The following STPG2 variants were observed in gnomAD, a reference collection of about 807,000 sequenced individuals.
The protein encoded by STPG2 is sperm tail PG-rich repeat containing 2, also known as sperm-tail PG-rich repeat-containing protein 2.
In STPG2, 56 loss-of-function variants were observed where a neutral mutation model predicts 54.2. The observed-to-expected ratio is 1.03, with a 90% confidence interval of 0.83 to 1.29. STPG2 has a LOEUF of 1.29. Ranked by LOEUF, STPG2 falls within the 50% of genes most tolerant of loss-of-function variation. The pLI, the probability that STPG2 is intolerant of heterozygous loss-of-function variation, is 0.00. For missense variants in STPG2, 596 were observed against 544.9 expected (o/e 1.09, Z -0.93); for synonymous variants, 200 against 181.8 (o/e 1.10, Z -0.81).
intron 4 of STPG2, among the ~76,000 whole-genome samples, chr4:97,523,335 C>T (rs952887251): frequency 3.3e-5 from 5 of 151,742 alleles, no homozygotes; most frequent in Non-Finnish European, 7.4e-5. Flanking sequence ...AAAGAGAGGT[C>T]ATATCTGCAC....
At chr4:97,899,160 C>A (rs1249719819) in intron 8 of STPG2, among the ~76,000 whole-genome samples, 1 of 151,846 alleles carries the variant, frequency 6.6e-6, no homozygotes, top group African/African-American at 2.4e-5. Context: ...AACTCACTAC[C>A]TTACCTATAC....
intron 10 of STPG2, among the ~76,000 whole-genome samples, chr4:97,616,674 T>C (rs559380359): frequency 4.6e-5 from 7 of 152,256 alleles, no homozygotes; most frequent in African/African-American, 1.4e-4. Flanking sequence ...AAAACATCAC[T>C]AGTGATGATG....
rs111859905 is a variant in STPG2, at chr4:97,670,925, T to C, written c.1320+41774A>G. Among the ~76,000 whole-genome samples the C allele has an allele frequency of 7.7e-3, 1,178 of 152,316 alleles. 11 individuals carry two copies. The highest frequency in any genetic ancestry group is 0.026 in the African/African-American group (1,086 of 41,564). ...AAGGAAATGCAGGGAGCTGTGACAA[T>C]GGGAACATTCATCTTGTTCTTCTCT... On this transcript the variant is annotated intron_variant, in intron 10 of 10. Coordinates refer to ENST00000295268, the MANE Select transcript of STPG2 (RefSeq NM_174952.3).
At chr4:97,492,482 T>G (rs1279645097) in intron 4 of STPG2, among the ~76,000 whole-genome samples, 1 of 151,526 alleles carries the variant, frequency 6.6e-6, no homozygotes, top group African/African-American at 2.4e-5. Flanking sequence ...GTTTAATTTT[T>G]CCTTTGAATG....
At chr4:97,880,651 T>G (rs531120933) in intron 8 of STPG2, among the ~76,000 whole-genome samples, 1 of 152,298 alleles carries the variant, frequency 6.6e-6, no homozygotes, top group South Asian at 2.1e-4. Context: ...GATAAAGACT[T>G]GACATTACTA....
At chr4:97,782,376 G>A (rs1303810675) in intron 9 of STPG2, among the ~76,000 whole-genome samples, 1 of 152,178 alleles carries the variant, frequency 6.6e-6, no homozygotes, top group Non-Finnish European at 1.5e-5. Flanking sequence ...TACAAGGGAT[G>A]TGAAGAACCT....
intron 10 of STPG2, among the ~76,000 whole-genome samples, chr4:97,700,614 T>A (rs550500528): frequency 6.6e-6 from 1 of 152,320 alleles, no homozygotes; most frequent in African/African-American, 2.4e-5. Flanking sequence ...GTTTCCTACT[T>A]CTTGCTCACT....
intron 7 of STPG2, among the ~76,000 whole-genome samples, chr4:97,959,062 T>C (rs914558916): frequency 6.6e-6 from 1 of 152,054 alleles, no homozygotes; most frequent in Non-Finnish European, 1.5e-5. Context: ...AAATCAACTC[T>C]AAAAGGAACC....
rs562309335 is a variant in STPG2, at chr4:97,718,854, G to A, written c.1205-6040C>T. Reference sequence around the variant, plus strand: ...CTAGAATAAGAGACAGCAGACTACTGTGAGAATTCAGCAGCATTCTTCCCT... The same window carrying A: ...CTAGAATAAGAGACAGCAGACTACTATGAGAATTCAGCAGCATTCTTCCCT... On this transcript the variant is annotated intron_variant, in intron 9 of 10. Coordinates refer to ENST00000295268, the MANE Select transcript of STPG2 (RefSeq NM_174952.3). Among the ~76,000 whole-genome samples the A allele has an allele frequency of 2.6e-5, 4 of 152,012 alleles. No homozygotes were observed. In the South Asian group the frequency reaches 8.3e-4, roughly 31 times the overall value.
intron 10 of STPG2, among the ~76,000 whole-genome samples, chr4:97,565,805 G>A (rs868037319): frequency 6.6e-6 from 1 of 151,766 alleles, no homozygotes; most frequent in African/African-American, 2.4e-5. Flanking sequence ...TTTTGTCTCA[G>A]AGGAGTACCC....
intron 8 of STPG2, among the ~76,000 whole-genome samples, chr4:97,904,901 T>C (rs968483937): frequency 1.3e-5 from 2 of 152,008 alleles, no homozygotes; most frequent in South Asian, 2.1e-4. Flanking sequence ...AAGGGAACTT[T>C]AGAGAAAAAG....
intron 10 of STPG2, among the ~76,000 whole-genome samples, chr4:97,629,449 G>C (rs1388375830): frequency 6.6e-6 from 1 of 151,934 alleles, no homozygotes; most frequent in Non-Finnish European, 1.5e-5. Context: ...GATTCCTTTA[G>C]AAACAAAACA....
intron 6 of STPG2, among the ~76,000 whole-genome samples, chr4:97,978,404 C>T (rs1472236701): frequency 6.6e-6 from 1 of 152,148 alleles, no homozygotes; most frequent in Non-Finnish European, 1.5e-5. Context: ...CAAACTAACA[C>T]AGAAACATAA....
At chr4:97,903,768 G>A (rs1478291227) in intron 8 of STPG2, among the ~76,000 whole-genome samples, 2 of 152,218 alleles carry the variant, frequency 1.3e-5, no homozygotes, top group African/African-American at 2.4e-5. Context: ...GAAGCAGGGC[G>A]AGACATTGCC....
At chr4:98,057,823 C>A (rs1335972717) in intron 5 of STPG2, among the ~76,000 whole-genome samples, 1 of 152,104 alleles carries the variant, frequency 6.6e-6, no homozygotes, top group Non-Finnish European at 1.5e-5. Flanking sequence ...AGGTCATCTA[C>A]AAAGGGAAGT....
At chr4:98,135,304 A>G (rs1259600698) in intron 1 of STPG2, among the ~76,000 whole-genome samples, 1 of 151,780 alleles carries the variant, frequency 6.6e-6, no homozygotes, top group Admixed American at 6.6e-5. Flanking sequence ...TAATAATAAA[A>G]GATACTCTAT....
At chr4:97,512,941 T>C (rs1328348257) in intron 4 of STPG2, among the ~76,000 whole-genome samples, 1 of 152,058 alleles carries the variant, frequency 6.6e-6, no homozygotes, top group East Asian at 1.9e-4. Flanking sequence ...TCTGACACTA[T>C]CTACCTGGAG....
At chr4:97,968,196 G>A (rs1357626417) in intron 7 of STPG2, among the ~76,000 whole-genome samples, 1 of 152,094 alleles carries the variant, frequency 6.6e-6, no homozygotes, top group Non-Finnish European at 1.5e-5. Context: ...CAACCCCACA[G>A]AAATACAAAC....
chr4:97,486,860 A>AACACACACACACACAC (rs772458069), intron 4 of STPG2, among the ~76,000 whole-genome samples: 1 of 125,578 alleles, frequency 8.0e-6, no homozygotes, highest in Non-Finnish European at 1.7e-5. Context: ...TATGTATACA[A>AACACACACACACACAC]ACACACACAC....
Sources: allele counts gnomAD v4.1 joint callset (sites outside exome capture counted in the v4.1 genomes callset), GRCh38; gene constraint gnomAD v4.1.1; transcripts MANE v1.5; gene names NCBI Gene and HGNC (gene_info 2026-07-23, HGNC 2026-07-21).